The following IPO8 variants were observed in gnomAD, a reference collection of about 807,000 sequenced individuals.
IPO8 encodes the protein importin-8.
A neutral mutation model predicts 141.2 loss-of-function variants in IPO8; 65 were observed. The ratio of observed to expected loss-of-function variants is 0.46; its 90% confidence interval spans 0.38 to 0.57. The LOEUF (loss-of-function observed/expected upper bound fraction) is 0.57, where lower values mean the gene tolerates loss of function less well. Ranked by LOEUF, IPO8 falls within the 20% of genes least tolerant of loss-of-function variation. The pLI is 0.00. For missense variants in IPO8, 980 were observed against 1,246.8 expected (o/e 0.79, Z 3.22); for synonymous variants, 411 against 420.3 (o/e 0.98, Z 0.27).
chr12:30,684,562 C>A lies in IPO8; in HGVS notation c.167-105G>T, dbSNP rs1365711875. 16 of 1,117,694 alleles carry A rather than the reference C, an allele frequency of 1.4e-5. No individual in the cohort carries two copies. The South Asian group carries it at 2.0e-4, about 14-fold the overall frequency. The allele number at this position is 1,117,694 out of a possible 1,614,324, so 69.2% of individuals were successfully genotyped here. Reference sequence around the variant, plus strand: ...AACCCTTCAATGTTAAACATGAAACCCAGCAAAAATGGATACTCTTACAGG... The same window carrying A: ...AACCCTTCAATGTTAAACATGAAACACAGCAAAAATGGATACTCTTACAGG... On this transcript the variant is annotated intron_variant, in intron 2 of 24. Coordinates refer to ENST00000256079, the MANE Select transcript of IPO8 (RefSeq NM_006390.4).
intron 8 of IPO8, among the ~76,000 whole-genome samples, chr12:30,672,046 A>AT (rs983670896): frequency 2.0e-5 from 3 of 152,072 alleles, no homozygotes; most frequent in Admixed American, 6.6e-5. Context: ...TTAAAAACTG[A>AT]TTTTTTAAAA....
chr12:30,677,155 A>G (rs1411162646), intron 5 of IPO8: 1 of 1,243,590 alleles, frequency 8.0e-7, no homozygotes, highest in African/African-American at 1.5e-5. Flanking sequence ...TGCCCTCACG[A>G]AGCTTACACT....
intron 17 of IPO8, among the ~76,000 whole-genome samples, chr12:30,655,730 ATTCAAGTACTC>A (rs1211486481): frequency 5.9e-5 from 9 of 152,228 alleles, no homozygotes; most frequent in African/African-American, 2.2e-4. Context: ...ACCATGTTAT[ATTCAAGTACTC>A]TTCAAATATT....
chr12:30,666,748 G>A (rs2052971722), intron 10 of IPO8, among the ~76,000 whole-genome samples: 1 of 152,170 alleles, frequency 6.6e-6, no homozygotes, highest in Non-Finnish European at 1.5e-5. Flanking sequence ...AGTATGGGGT[G>A]CTAGTTTAAA....
Position 30,695,697 on chromosome 12 carries a change from G to T in IPO8, c.-50C>A. 1.3e-6 allele frequency: 2 copies of T among 1,544,168 alleles called. No homozygotes were observed. Among genetic ancestry groups the T allele is most frequent in the Non-Finnish European group, 1.8e-6 (2 of 1,121,724 alleles). Reference sequence around the variant, plus strand: ...CCCCGGAACAGTAGGCCGGACTGCAGCTTTAGTTTTCTTTTGACCCTCTCA... The same window carrying T: ...CCCCGGAACAGTAGGCCGGACTGCATCTTTAGTTTTCTTTTGACCCTCTCA... On this transcript the variant is annotated 5_prime_UTR_variant, in exon 1 of 25. It adds an upstream start codon to the 5' untranslated region. Transcript: ENST00000256079. The surrounding 1 kb of genome is among the most constrained non-coding windows in gnomAD (Gnocchi z 4.2).
chr12:30,633,297 A>G (rs2052458604), intron 23 of IPO8, among the ~76,000 whole-genome samples: 1 of 152,260 alleles, frequency 6.6e-6, no homozygotes, highest in Non-Finnish European at 1.5e-5. Context: ...TCATAATGGT[A>G]AAAACATTGG....
chr12:30,632,112 T>A, intron 23 of IPO8, 101 bp from the exon 24 acceptor site: 1 of 750,512 alleles, frequency 1.3e-6, no homozygotes, highest in Non-Finnish European at 2.2e-6. Context: ...TCCCAGACAG[T>A]AAGAGACAAA....
intron 8 of IPO8, 71 bp from the exon 9 acceptor site, chr12:30,671,167 G>A: frequency 1.0e-6 from 1 of 976,282 alleles, no homozygotes; most frequent in Non-Finnish European, 1.6e-6. Flanking sequence ...GCCATTTTTG[G>A]CATGACCTAA....
At chr12:30,646,880 A>G (rs184021876) in intron 20 of IPO8, among the ~76,000 whole-genome samples, 116 of 152,348 alleles carry the variant, frequency 7.6e-4, no homozygotes, top group African/African-American at 2.7e-3. Context: ...TTTAAAACAG[A>G]AATACTTCTC....
intron 5 of IPO8, among the ~76,000 whole-genome samples, chr12:30,677,454 A>G (rs2053137036): frequency 6.6e-6 from 1 of 152,176 alleles, no homozygotes; most frequent in African/African-American, 2.4e-5. Context: ...TATTTTTACT[A>G]CACAATACTT....
At chr12:30,653,355 GTT>G (rs1223676436) in intron 17 of IPO8, among the ~76,000 whole-genome samples, 3 of 151,788 alleles carry the variant, frequency 2.0e-5, no homozygotes, top group African/African-American at 7.3e-5. Context: ...AAAAAATAAA[GTT>G]TTTTTCTATT....
intron 13 of IPO8, 124 bp downstream of exon 13, chr12:30,665,096 G>C (rs1383426503): frequency 4.8e-6 from 3 of 623,398 alleles, no homozygotes; most frequent in African/African-American, 1.9e-5. Flanking sequence ...ACCATAGGCA[G>C]ACATTCTAAT....
intron 20 of IPO8, among the ~76,000 whole-genome samples, chr12:30,647,603 C>CAAA (rs34098076): frequency 0.32 from 12,695 of 40,162 alleles, 2,278 homozygotes; most frequent in African/African-American, 0.35. Context: ...AGACCGTCTC[C>CAAA]AAAAAAAAAA....
At chr12:30,641,493 CTTTT>C (rs58656525) in intron 20 of IPO8, among the ~76,000 whole-genome samples, 2,614 of 135,038 alleles carry the variant, frequency 0.019, 67 homozygotes, top group African/African-American at 0.065. Context: ...TAAGCTATTT[CTTTT>C]TTTTTTTTTT....
intron 9 of IPO8, among the ~76,000 whole-genome samples, chr12:30,669,614 G>A (rs904145969): frequency 2.0e-5 from 3 of 150,552 alleles, no homozygotes; most frequent in African/African-American, 5.0e-5. Context: ...GCACTGTAGC[G>A]AGACCCCATC....
At chr12:30,648,996 C>G (rs2052686874) in intron 20 of IPO8, 141 bp downstream of exon 20, 1 of 522,228 alleles carries the variant, frequency 1.9e-6, no homozygotes, top group African/African-American at 2.0e-5. Flanking sequence ...CTCTTTTTGT[C>G]ATTTAAACAG....
At chr12:30,646,321 G>C (rs73077869) in intron 20 of IPO8, among the ~76,000 whole-genome samples, 5,917 of 152,166 alleles carry the variant, frequency 0.039, 364 homozygotes, top group African/African-American at 0.13. Context: ...CATGATAAAA[G>C]CAACAAGTTA....
At chr12:30,632,552 A>G (rs1413788978) in intron 23 of IPO8, among the ~76,000 whole-genome samples, 2 of 152,140 alleles carry the variant, frequency 1.3e-5, no homozygotes, top group Non-Finnish European at 1.5e-5. Flanking sequence ...CCAGTCCACT[A>G]CTGTGCATCC....
chr12:30,633,328 C>G (rs2052458916), intron 23 of IPO8, among the ~76,000 whole-genome samples: 1 of 152,172 alleles, frequency 6.6e-6, no homozygotes, highest in Admixed American at 6.5e-5. Flanking sequence ...AAATGTCCCA[C>G]AGTGGAACTA....
Sources: allele counts gnomAD v4.1 joint callset (sites outside exome capture counted in the v4.1 genomes callset), GRCh38; gene constraint gnomAD v4.1.1; non-coding constraint Gnocchi (gnomAD v3.1); transcripts MANE v1.5; gene names NCBI Gene and HGNC (gene_info 2026-07-23, HGNC 2026-07-21).